The following APOD variants were observed in gnomAD, a reference collection of about 807,000 sequenced individuals.
The protein encoded by APOD is apo-D.
Under a neutral mutation model 20.4 loss-of-function variants are expected in APOD, and 22 were observed. The ratio of observed to expected loss-of-function variants is 1.08; its 90% CI spans 0.77 to 1.54. APOD has a LOEUF of 1.54. APOD is among the 40% of genes most tolerant of loss of function. The pLI, the probability that APOD is intolerant of heterozygous loss-of-function variation, is 0.00. For missense variants in APOD, 223 were observed against 229.6 expected, an observed-to-expected ratio of 0.97 and a Z score of 0.19; for synonymous variants, 97 against 92.4, an observed-to-expected ratio of 1.05 and a Z score of -0.29.
intron 2 of APOD, among the ~76,000 whole-genome samples, chr3:195,578,783 A>G (rs750025852): frequency 4.7e-4 from 71 of 152,036 alleles, no homozygotes; most frequent in Non-Finnish European, 9.9e-4. Context: ...CTGGGGAGGG[A>G]GATTCCGATG....
intron 4 of APOD, among the ~76,000 whole-genome samples, chr3:195,570,083 T>G (rs1012926159): frequency 3.3e-5 from 5 of 152,190 alleles, no homozygotes; most frequent in African/African-American, 1.2e-4. Context: ...TTCCCTTCAC[T>G]TGGAAATCCT....
At position 195,571,841 on chromosome 3, in the gene APOD, G is replaced by C. The variant is rs186958479; in HGVS notation, c.246-476C>G. ...GTCCCCCAGGCTGGAGTGCAGTGGTGCGATCTCGGCTTACTGCAACCTCTG... is the reference window on the plus strand; with the variant it reads ...GTCCCCCAGGCTGGAGTGCAGTGGTCCGATCTCGGCTTACTGCAACCTCTG... On this transcript the variant is annotated intron_variant, in intron 3 of 4. Coordinates refer to ENST00000343267, the MANE Select transcript of APOD (RefSeq NM_001647.4). 3.3e-5 allele frequency among the ~76,000 whole-genome samples: 5 copies of C among 151,476 alleles called. 1 individual carries two copies. The highest frequency in any genetic ancestry group is 1.2e-4 in the African/African-American group (5 of 41,216).
chr3:195,578,366 G>A (rs1251058231), intron 2 of APOD, among the ~76,000 whole-genome samples: 1 of 152,066 alleles, frequency 6.6e-6, no homozygotes, highest in Non-Finnish European at 1.5e-5. Context: ...CTCCCACCCA[G>A]CGTCCCCTCA....
intron 2 of APOD, among the ~76,000 whole-genome samples, chr3:195,577,859 C>T (rs1048630579): frequency 3.3e-5 from 5 of 152,188 alleles, no homozygotes; most frequent in South Asian, 2.1e-4. Context: ...TAGGCAAATT[C>T]GGAGACAGAA....
chr3:195,575,352 T>C (rs1720231707), intron 2 of APOD, among the ~76,000 whole-genome samples: 1 of 152,248 alleles, frequency 6.6e-6, no homozygotes, highest in Non-Finnish European at 1.5e-5. Flanking sequence ...ATAACTTCGA[T>C]CACATTTGCA....
rs559280753 is a variant in APOD, at chr3:195,579,388, A to G, written c.74T>C (p.Leu25Pro). ...CACCGGAGGATTGGGGCACTTCCCAAGATGAAATGCTTGTCCCTCTGCCGC... is the reference window on the plus strand; with the variant it reads ...CACCGGAGGATTGGGGCACTTCCCAGGATGAAATGCTTGTCCCTCTGCCGC... ...FGAAEGQAFH[L>P]GKCPNPPVQE... The change falls in exon 2 of 5, where the codon CTT becomes CCT. Residue 25 changes from leucine to proline, a missense_variant. Coordinates refer to ENST00000343267, the MANE Select transcript of APOD (RefSeq NM_001647.4). The G allele has an allele frequency of 9.3e-6, 15 of 1,614,254 alleles. No homozygotes were observed. The Admixed American group carries it at 1.7e-4, about 18-fold the overall frequency.
Position 195,579,456 on chromosome 3 carries a change from C to T in APOD, c.6G>A (p.Val2=). ...GTGCGGAAAGCAGCAGCAGCAGCAT[C>T]ACCATCTTGGGGCTGGGTGGCTGGA... M[V]MLLLLLSALA... is the part of the protein sequence containing the mutation. The change falls in exon 2 of 5, where the codon GTG becomes GTA. Residue 2 remains valine, a synonymous_variant. Coordinates refer to ENST00000343267, the MANE Select transcript of APOD (RefSeq NM_001647.4). The T allele has an allele frequency of 6.2e-7, 1 of 1,613,244 alleles. No homozygotes were observed. The highest frequency in any genetic ancestry group is 8.5e-7 in the Non-Finnish European group (1 of 1,180,036).
At chr3:195,580,413 G>A (rs1256362395) in intron 1 of APOD, among the ~76,000 whole-genome samples, 2 of 85,152 alleles carry the variant, frequency 2.3e-5, no homozygotes, top group African/African-American at 9.8e-5. Context: ...GTTTTGTTTT[G>A]TTTTGTTTTG....
At chr3:195,571,003 C>T in intron 4 of APOD, 2 of 486,968 alleles carry the variant, frequency 4.1e-6, no homozygotes, top group South Asian at 4.9e-5. Context: ...ACTTGTGTTT[C>T]ACCTGTTGAA....
chr3:195,568,885 C>A lies in APOD; in HGVS notation c.*15G>T. The stretch of plus-strand genomic sequence containing the variant: ...AAGTAACATGGAGTGGGTGCAGCCT[C>A]CCTGTAGAACCTGGTTACGAGAGCT... On this transcript the variant is annotated 3_prime_UTR_variant, in exon 5 of 5. Transcript: ENST00000343267. The A allele has an allele frequency of 1.3e-6, 2 of 1,595,952 alleles. No homozygotes were observed. The highest frequency in any genetic ancestry group is 3.3e-5 in the Admixed American group (2 of 59,920).
chr3:195,574,742 A>G (rs1185415141), intron 2 of APOD, among the ~76,000 whole-genome samples: 1 of 152,234 alleles, frequency 6.6e-6, no homozygotes, highest in East Asian at 1.9e-4. Flanking sequence ...TTGTAATAAT[A>G]CAAGATAGGA....
intron 3 of APOD, among the ~76,000 whole-genome samples, chr3:195,571,588 A>G (rs1263118698): frequency 6.6e-6 from 1 of 152,078 alleles, no homozygotes; most frequent in African/African-American, 2.4e-5. Flanking sequence ...GCAGGGGAAG[A>G]GAGCAGCGGG....
rs1468831640 is a variant in APOD, at chr3:195,579,458, C to T, written c.4G>A (p.Val2Met). The T allele has an allele frequency of 1.5e-5, 25 of 1,613,048 alleles. No individual in the cohort carries two copies. The highest frequency in any genetic ancestry group is 2.0e-5 in the Non-Finnish European group (24 of 1,180,014). Residue 2 changes from valine to methionine, a missense_variant, in exon 2 of 5, where the codon GTG becomes ATG. Physicochemically the swap from Val to Met is conservative, Grantham distance 21. Coordinates refer to ENST00000343267, the MANE Select transcript of APOD (RefSeq NM_001647.4). ...GCGGAAAGCAGCAGCAGCAGCATCA[C>T]CATCTTGGGGCTGGGTGGCTGGAGA... M[V>M]MLLLLLSALA...
At chr3:195,570,442 T>C (rs1344475705) in intron 4 of APOD, 1 of 152,238 alleles carries the variant, frequency 6.6e-6, no homozygotes, top group Non-Finnish European at 1.5e-5. Context: ...TCCATATTCA[T>C]AGTGTGAGAA....
chr3:195,575,555 C>G (rs889959347), intron 2 of APOD, among the ~76,000 whole-genome samples: 3 of 152,058 alleles, frequency 2.0e-5, no homozygotes, highest in Non-Finnish European at 4.4e-5. Context: ...GGGAGGGAAA[C>G]TTTATGTGGT....
chr3:195,569,115 A>G lies in APOD; in HGVS notation c.355T>C (p.Trp119Arg), dbSNP rs1190266325. 1 of 1,614,032 alleles carries G rather than the reference A, an allele frequency of 6.2e-7. No homozygotes were observed. Among genetic ancestry groups the G allele is most frequent in the Non-Finnish European group, 8.5e-7 (1 of 1,180,010 alleles). Residue 119 changes from tryptophan (W) to arginine (R), a missense_variant, in exon 5 of 5, where the codon TGG (tryptophan) becomes CGG (arginine). Physicochemically the swap from Trp to Arg is moderately radical, Grantham distance 101. Transcript: ENST00000343267. ...TTCTCATAGTCGGTGGCCAGGATCCAGTACGGTGCCGATGGCATAACTGAG... is the reference window on the plus strand; with the variant it reads ...TTCTCATAGTCGGTGGCCAGGATCCGGTACGGTGCCGATGGCATAACTGAG... The part of the protein sequence containing the change: ...FSWFMPSAPY[W>R]ILATDYENYA...
chr3:195,579,563 G>A (rs1720301138), intron 1 of APOD, 68 bp from the exon 2 acceptor site: 3 of 1,524,986 alleles, frequency 2.0e-6, no homozygotes, highest in South Asian at 2.4e-5. Flanking sequence ...CATGAAGTAA[G>A]AGTGCTGTGC....
Position 195,573,940 on chromosome 3 carries a change from A to G in APOD, c.155T>C (p.Ile52Thr). 2 of 1,614,154 alleles carry G rather than the reference A, an allele frequency of 1.2e-6. No homozygotes were observed. Among genetic ancestry groups the G allele is most frequent in the Non-Finnish European group, 1.7e-6 (2 of 1,180,008 alleles). The part of the protein sequence containing the change: ...YLGRWYEIEK[I>T]PTTFENGRCI... Reference sequence around the variant, plus strand: ...GCGTCCATTCTCAAAGGTTGTTGGGATCTTCTCAATTTCGTACCATCTTCC... The same window carrying G: ...GCGTCCATTCTCAAAGGTTGTTGGGGTCTTCTCAATTTCGTACCATCTTCC... Residue 52 changes from isoleucine (I) to threonine (T), a missense_variant, in exon 3 of 5, where the codon ATC becomes ACC. By Grantham distance (89) the Ile-to-Thr change is moderately conservative. Coordinates refer to ENST00000343267, the MANE Select transcript of APOD (RefSeq NM_001647.4).
chr3:195,571,261 A>G lies in APOD; in HGVS notation c.334+16T>C, dbSNP rs760151647. 8.1e-6 allele frequency: 13 copies of G among 1,610,920 alleles called. No individual in the cohort carries two copies. In the South Asian group the frequency reaches 1.4e-4, roughly 18 times the overall value. The stretch of plus-strand genomic sequence containing the variant: ...TTTCCTGTCCCTGAATCCTCCTGGG[A>G]AAAGTGGATACTTACACCAGGAAAA... On this transcript the variant is annotated intron_variant, in intron 4 of 4. Coordinates refer to ENST00000343267, the MANE Select transcript of APOD (RefSeq NM_001647.4).
Sources: allele counts gnomAD v4.1 joint callset (sites outside exome capture counted in the v4.1 genomes callset), GRCh38; gene constraint gnomAD v4.1.1; transcripts MANE v1.5; gene names NCBI Gene and HGNC (gene_info 2026-07-23, HGNC 2026-07-21).